The following PABPC4L variants were observed in gnomAD, a reference collection of about 807,000 sequenced individuals.
PABPC4L encodes poly(A) binding protein cytoplasmic 4 like.
For missense variants in PABPC4L, 452 were observed against 451.4 expected (o/e 1.00, Z -0.01); for synonymous variants, 169 against 164.1 (o/e 1.03, Z -0.23).
chr4:133,949,205 C>A, the PABPC4L span, among the ~76,000 whole-genome samples: 1 of 152,170 alleles, frequency 6.6e-6, no homozygotes, highest in Admixed American at 6.6e-5. Flanking sequence ...GTCCACCAGA[C>A]CTCATTCCAG....
the PABPC4L span, among the ~76,000 whole-genome samples, chr4:134,123,103 T>G: frequency 6.6e-6 from 1 of 152,006 alleles, no homozygotes; most frequent in Non-Finnish European, 1.5e-5. Context: ...GTCATTTGTA[T>G]CAATATAGAC....
the PABPC4L span, among the ~76,000 whole-genome samples, chr4:134,125,940 A>G: frequency 6.6e-6 from 1 of 152,174 alleles, no homozygotes; most frequent in Non-Finnish European, 1.5e-5. Context: ...TTAAACACAC[A>G]TACTCTAGAA....
chr4:134,055,830 A>C, the PABPC4L span, among the ~76,000 whole-genome samples: 5 of 151,936 alleles, frequency 3.3e-5, no homozygotes, highest in African/African-American at 1.2e-4. Context: ...ATTTTGTTGA[A>C]GTCTAATTCA....
At chr4:134,178,301 G>A in the PABPC4L span, among the ~76,000 whole-genome samples, 1 of 146,448 alleles carries the variant, frequency 6.8e-6, no homozygotes, top group Non-Finnish European at 1.5e-5. Context: ...TAGAATTGAA[G>A]TGAGTAAACC....
chr4:134,021,810 C>T, the PABPC4L span, among the ~76,000 whole-genome samples: 10 of 152,048 alleles, frequency 6.6e-5, no homozygotes, highest in Admixed American at 5.9e-4. Context: ...TTTCCCTGTT[C>T]TAGACATTTT....
At chr4:134,090,760 C>T in the PABPC4L span, among the ~76,000 whole-genome samples, 1 of 142,052 alleles carries the variant, frequency 7.0e-6, no homozygotes, top group Admixed American at 7.3e-5. Context: ...AATATCCTGT[C>T]TCAAAAAAAA....
chr4:134,161,019 A>G, the PABPC4L span, among the ~76,000 whole-genome samples: 5 of 152,076 alleles, frequency 3.3e-5, no homozygotes, highest in Admixed American at 2.0e-4. Context: ...GTGTTGAGGA[A>G]GCTCAATGAG....
the PABPC4L span, among the ~76,000 whole-genome samples, chr4:133,990,027 C>T: frequency 4.6e-5 from 7 of 152,054 alleles, no homozygotes; most frequent in African/African-American, 1.4e-4. Flanking sequence ...ATAACCACCC[C>T]CATGATTCAA....
chr4:134,136,608 G>C, the PABPC4L span, among the ~76,000 whole-genome samples: 2 of 151,696 alleles, frequency 1.3e-5, no homozygotes, highest in Non-Finnish European at 2.9e-5. Context: ...TTTATGTGCA[G>C]TTTTTCTTCA....
At chr4:133,993,627 T>A in the PABPC4L span, among the ~76,000 whole-genome samples, 1 of 152,214 alleles carries the variant, frequency 6.6e-6, no homozygotes, top group Non-Finnish European at 1.5e-5. Flanking sequence ...GACATACCTA[T>A]GAGCTGGCAA....
At chr4:134,041,997 G>T in the PABPC4L span, among the ~76,000 whole-genome samples, 1 of 152,168 alleles carries the variant, frequency 6.6e-6, no homozygotes, top group Non-Finnish European at 1.5e-5. Flanking sequence ...CAATTGCAAA[G>T]ATATGGAATC....
At chr4:134,075,312 G>T in the PABPC4L span, among the ~76,000 whole-genome samples, 75,400 of 151,936 alleles carry the variant, frequency 0.5, 19,797 homozygotes, top group East Asian at 0.93. Context: ...TCAAAGAGCT[G>T]AGAGGCCAAG....
the PABPC4L span, among the ~76,000 whole-genome samples, chr4:134,015,451 A>T: frequency 1.3e-5 from 2 of 151,958 alleles, no homozygotes; most frequent in African/African-American, 4.8e-5. Flanking sequence ...TGCACCCTTC[A>T]TCCCAGCCTC....
At chr4:134,104,529 G>A in the PABPC4L span, among the ~76,000 whole-genome samples, 3 of 151,604 alleles carry the variant, frequency 2.0e-5, no homozygotes, top group Admixed American at 6.6e-5. Context: ...GAGAAAATAC[G>A]TTTCTCCGAA....
the PABPC4L span, among the ~76,000 whole-genome samples, chr4:134,150,778 A>G: frequency 6.6e-6 from 1 of 152,190 alleles, no homozygotes; most frequent in Non-Finnish European, 1.5e-5. Context: ...TGATTAATTA[A>G]TTAAATCCTC....
rs1338086859 is a variant in PABPC4L, at chr4:134,200,148, T to C, written c.872A>G (p.Gln291Arg). The C allele has an allele frequency of 2.6e-6, 4 of 1,551,574 alleles. No individual in the cohort carries two copies. In the East Asian group the frequency reaches 7.3e-5, roughly 28 times the overall value. Reference protein sequence around the residue: ...QLKRERIRGCQGVKLYIKNLD... With the variant: ...QLKRERIRGCRGVKLYIKNLD... ...GTTCTTAATATAGAGTTTTACCCCC[T>C]GGCACCCACGAATTCGTTCCCTTTT... The change falls in exon 2 of 2, where the codon CAG becomes CGG. Residue 291 changes from glutamine to arginine, a missense_variant. By Grantham distance (43) the Gln-to-Arg change is conservative (BLOSUM62 1). Transcript: ENST00000421491.
At chr4:134,079,058 G>A in the PABPC4L span, among the ~76,000 whole-genome samples, 1 of 137,518 alleles carries the variant, frequency 7.3e-6, no homozygotes, top group East Asian at 2.3e-4. Flanking sequence ...TGCAACCTTC[G>A]CCTCCTGTGT....
the PABPC4L span, among the ~76,000 whole-genome samples, chr4:134,132,961 A>G: frequency 7.0e-6 from 1 of 143,518 alleles, no homozygotes; most frequent in Non-Finnish European, 1.5e-5. Flanking sequence ...TAGAATGTAT[A>G]AATATTATAT....
At chr4:134,129,615 T>A in the PABPC4L span, among the ~76,000 whole-genome samples, 3 of 152,062 alleles carry the variant, frequency 2.0e-5, no homozygotes, top group Non-Finnish European at 4.4e-5. Context: ...TTTAAAAATT[T>A]AAATTTAAAT....
Sources: gnomAD v4.1 joint callset for allele counts (sites outside exome capture counted in the v4.1 genomes callset) on GRCh38, gnomAD v4.1.1 for gene constraint, MANE v1.5 for transcripts, NCBI Gene and HGNC (gene_info 2026-07-23, HGNC 2026-07-21) for gene names.